The following SCAF8 variants were observed in gnomAD, a reference collection of about 807,000 sequenced individuals.
SCAF8 encodes SR-related CTD associated factor 8.
A neutral mutation model predicts 140.5 loss-of-function variants in SCAF8; 23 were observed. The ratio of observed to expected loss-of-function variants is 0.16; its 90% CI spans 0.12 to 0.23. The LOEUF is 0.23. Ranked by LOEUF, SCAF8 falls within the 10% of genes least tolerant of loss-of-function variation. SCAF8 has a pLI of 1.00. For synonymous variants in SCAF8, 575 were observed against 528.9 expected, an observed-to-expected ratio of 1.09 and a Z score of -1.20; for missense variants, 1,397 against 1,555.7, an observed-to-expected ratio of 0.90 and a Z score of 1.72.
chr6:154,781,192 A>G (rs982287216), intron 3 of SCAF8, among the ~76,000 whole-genome samples: 7 of 152,128 alleles, frequency 4.6e-5, no homozygotes, highest in Admixed American at 1.3e-4. Context: ...TACACCAACA[A>G]TATACACCAA....
intron 4 of SCAF8, among the ~76,000 whole-genome samples, chr6:154,790,812 T>C (rs1157655010): frequency 6.6e-6 from 1 of 152,046 alleles, no homozygotes; most frequent in South Asian, 2.1e-4. Context: ...ACCTGGCCTC[T>C]TTTTTCGTAC....
intron 12 of SCAF8, among the ~76,000 whole-genome samples, chr6:154,812,822 A>G (rs1286709895): frequency 6.6e-6 from 1 of 152,108 alleles, no homozygotes; most frequent in Non-Finnish European, 1.5e-5. Flanking sequence ...GTGTAGAGAG[A>G]TAATATTGAA....
In SCAF8 at chr6:154,820,273, G is replaced by T; in HGVS notation, c.1732G>T (p.Val578Leu). 1 of 1,612,670 alleles carries T rather than the reference G, an allele frequency of 6.2e-7. No individual in the cohort carries two copies. ...ATATATACCATGGGAAAAAGTTAAA[G>T]TGGATGACTTGGAAGGTTTTGCAGA... is the stretch of plus-strand genomic sequence containing the variant. ...VTYIPWEKVK[V>L]DDLEGFAEGG... The change falls in exon 15 of 20, where the codon GTG (valine) becomes TTG (leucine). Residue 578 changes from valine (V) to leucine (L), a missense_variant. Physicochemically the swap from Val to Leu is conservative, Grantham distance 32. Transcript: ENST00000367178.
chr6:154,826,532 A>T (rs189820288), intron 17 of SCAF8, among the ~76,000 whole-genome samples: 24 of 152,302 alleles, frequency 1.6e-4, no homozygotes, highest in African/African-American at 5.8e-4. Flanking sequence ...GTTGAATGTA[A>T]TGGTAGCTTT....
chr6:154,791,661 A>G (rs1286485984), intron 4 of SCAF8, among the ~76,000 whole-genome samples: 2 of 152,118 alleles, frequency 1.3e-5, no homozygotes, highest in African/African-American at 2.4e-5. Flanking sequence ...AAATGTGTTG[A>G]CATAGTTGGC....
In SCAF8 at chr6:154,832,417, T is replaced by TCCACCCCAACGGGGAATC. The variant is rs778379899; in HGVS notation, c.2846_2863dup (p.Gln949_Pro954dup). The TCCACCCCAACGGGGAATC allele has an allele frequency of 8.1e-6, 13 of 1,613,986 alleles. No individual in the cohort carries two copies. The highest frequency in any genetic ancestry group is 6.7e-5 in the Admixed American group (4 of 59,992). ...GATTCCCTTTAATACAGCCTGGAAT[T>TCCACCCCAACGGGGAATC]CCACCCCAACGGGGAATCCCACCCC... On this transcript the variant is annotated inframe_insertion, in exon 20 of 20. Coordinates refer to ENST00000367178, the MANE Select transcript of SCAF8 (RefSeq NM_014892.5).
At position 154,831,104 on chromosome 6, in the gene SCAF8, G is replaced by C. The variant is rs1459764844; in HGVS notation, c.2323G>C (p.Asp775His). The C allele has an allele frequency of 5.0e-6, 8 of 1,612,574 alleles. No individual in the cohort carries two copies. Among genetic ancestry groups the C allele is most frequent in the Non-Finnish European group, 6.8e-6 (8 of 1,178,950 alleles). Residue 775 changes from aspartate to histidine, a missense_variant, in exon 19 of 20, where the codon GAC becomes CAC. Asp to His is a moderately conservative substitution (Grantham distance 81). Around this residue, in one of 5 missense-constraint regions of SCAF8, gnomAD observed 930 missense variants for 874.6 expected, o/e 1.06. Coordinates refer to ENST00000367178, the MANE Select transcript of SCAF8 (RefSeq NM_014892.5). Reference protein sequence around the residue: ...EPEEKVPHLIDHQISSGENTR... With the variant: ...EPEEKVPHLIHHQISSGENTR... ...TGAAGAAAAAGTACCTCATCTTATA[G>C]ACCACCAGATTTCTTCTGGTGAAAA... is the stretch of plus-strand genomic sequence containing the variant.
chr6:154,754,882 G>A (rs1475327897), intron 1 of SCAF8, among the ~76,000 whole-genome samples: 1 of 151,960 alleles, frequency 6.6e-6, no homozygotes, highest in Non-Finnish European at 1.5e-5. Flanking sequence ...GGTATTTTAT[G>A]TACATGTGCA....
chr6:154,759,902 C>A (rs1158390620), intron 1 of SCAF8, among the ~76,000 whole-genome samples: 1 of 152,144 alleles, frequency 6.6e-6, no homozygotes, highest in Non-Finnish European at 1.5e-5. Context: ...ATCTCCTGAT[C>A]TTGTGATCCT....
rs930343040 is a variant in SCAF8, at chr6:154,807,614, C to T, written c.982-456C>T. 5.3e-5 allele frequency among the ~76,000 whole-genome samples: 8 copies of T among 152,096 alleles called. No individual in the cohort carries two copies. In the East Asian group the frequency reaches 1.4e-3, roughly 26 times the overall value. On this transcript the variant is annotated intron_variant, in intron 9 of 19. Transcript: ENST00000367178. Reference sequence around the variant, plus strand: ...CAGGCTGGTCTTGAACTTCTCACCTCGTGATCCACCCGCCTCAGCCTCCCA... The same window carrying T: ...CAGGCTGGTCTTGAACTTCTCACCTTGTGATCCACCCGCCTCAGCCTCCCA...
chr6:154,742,123 G>C (rs1201572110), intron 1 of SCAF8: 1 of 733,270 alleles, frequency 1.4e-6, no homozygotes, highest in Non-Finnish European at 2.3e-6. Flanking sequence ...TTGGGAAGCA[G>C]AATGAAGTTT....
intron 1 of SCAF8, among the ~76,000 whole-genome samples, chr6:154,753,563 C>CCG (rs1412657317): frequency 4.0e-5 from 6 of 151,206 alleles, no homozygotes; most frequent in African/African-American, 1.5e-4. Flanking sequence ...CACTTGAACC[C>CCG]GGGGGGCAGA....
At chr6:154,784,597 C>T (rs962920772) in intron 3 of SCAF8, among the ~76,000 whole-genome samples, 7 of 152,052 alleles carry the variant, frequency 4.6e-5, no homozygotes, top group Non-Finnish European at 1.0e-4. Context: ...CTTGAATTTC[C>T]TATACACTGA....
intron 1 of SCAF8, among the ~76,000 whole-genome samples, chr6:154,748,878 T>C (rs867638398): frequency 2.0e-5 from 3 of 152,260 alleles, no homozygotes; most frequent in Non-Finnish European, 4.4e-5. Context: ...ATTAAATGTC[T>C]GAGTTCTCTT....
At chr6:154,750,677 A>T (rs1034282911) in intron 1 of SCAF8, among the ~76,000 whole-genome samples, 7 of 152,120 alleles carry the variant, frequency 4.6e-5, no homozygotes, top group Non-Finnish European at 1.0e-4. Flanking sequence ...CATTAAGCTC[A>T]CTCATATTAT....
At chr6:154,789,470 CAG>C (rs568449870) in intron 4 of SCAF8, among the ~76,000 whole-genome samples, 85 of 151,864 alleles carry the variant, frequency 5.6e-4, no homozygotes, top group African/African-American at 1.9e-3. Context: ...CTCCTTGAGA[CAG>C]AAAGTTTTTG....
intron 3 of SCAF8, among the ~76,000 whole-genome samples, chr6:154,784,120 G>GAGAGATATATATATATATATAT (rs1362230678): frequency 3.7e-5 from 4 of 106,880 alleles, no homozygotes; most frequent in Non-Finnish European, 5.9e-5. Context: ...GGTGTCTTGA[G>GAGAGATATATATATATATATAT]ATATATATAT....
Position 154,833,528 on chromosome 6 carries a change from C to A in SCAF8, c.*133C>A. ...TAATCTGATGTTCATGTTCACCTTT[C>A]TCTTAAAATAATTGTACAACTGACT... is the stretch of plus-strand genomic sequence containing the variant. On this transcript the variant is annotated 3_prime_UTR_variant, in exon 20 of 20. Transcript: ENST00000367178. The A allele has an allele frequency of 2.4e-6, 2 of 825,306 alleles. No individual in the cohort carries two copies. Among genetic ancestry groups the A allele is most frequent in the Non-Finnish European group, 3.8e-6 (2 of 533,160 alleles). The allele number at this position is 825,306 out of a possible 1,614,324, so 51.1% of individuals were successfully genotyped here.
At position 154,778,654 on chromosome 6, in the gene SCAF8, C is replaced by G. The variant is rs547756456; in HGVS notation, c.159+609C>G. The stretch of plus-strand genomic sequence containing the variant: ...TAGTGCATGCCTGTAATCCCAGCTA[C>G]TTGGGAGGCTGAGGCACAAGAATTG... On this transcript the variant is annotated intron_variant, in intron 3 of 19. Coordinates refer to ENST00000367178, the MANE Select transcript of SCAF8 (RefSeq NM_014892.5). Among the ~76,000 whole-genome samples, 12 of 152,148 alleles carry G rather than the reference C, an allele frequency of 7.9e-5. No individual in the cohort carries two copies. In the South Asian group the frequency reaches 2.3e-3, roughly 29 times the overall value.
Sources: gnomAD v4.1 joint callset for allele counts (sites outside exome capture counted in the v4.1 genomes callset) on GRCh38, gnomAD v4.1.1 for gene constraint, gnomAD v4.1.1 regional missense constraint, MANE v1.5 for transcripts, NCBI Gene and HGNC (gene_info 2026-07-23, HGNC 2026-07-21) for gene names.